The following SNTB1 variants were observed in gnomAD, a reference collection of about 807,000 sequenced individuals.
The protein encoded by SNTB1 is syntrophin beta 1, also known as beta-1-syntrophin.
In SNTB1, 36 loss-of-function variants were observed where a neutral mutation model predicts 48.9. The ratio of observed to expected loss-of-function variants is 0.74; its 90% CI spans 0.56 to 0.97. The LOEUF (loss-of-function observed/expected upper bound fraction) is 0.97, where lower values mean the gene tolerates loss of function less well. Among genes scored for constraint, SNTB1 ranks in the 50% least tolerant of loss-of-function variants. SNTB1 has a pLI of 0.00. For missense variants in SNTB1, 786 were observed against 703.4 expected (o/e 1.12, Z -1.33); for synonymous variants, 299 against 294.6 (o/e 1.01, Z -0.15).
intron 1 of SNTB1, among the ~76,000 whole-genome samples, chr8:120,752,006 G>C (rs1435300875): frequency 6.6e-6 from 1 of 152,148 alleles, no homozygotes; most frequent in Non-Finnish European, 1.5e-5. Flanking sequence ...CCAGTTGTTA[G>C]TGATCGTCTT....
intron 1 of SNTB1, among the ~76,000 whole-genome samples, chr8:120,719,844 C>T (rs1818627611): frequency 6.6e-6 from 1 of 152,208 alleles, no homozygotes; most frequent in Admixed American, 6.5e-5. Context: ...TCACATCAGT[C>T]CTCATGCCAT....
At chr8:120,659,698 A>G (rs13268742) in intron 2 of SNTB1, among the ~76,000 whole-genome samples, 129,189 of 152,262 alleles carry the variant, frequency 0.85, 55,016 homozygotes, top group Middle Eastern at 0.93. Flanking sequence ...CTTATGAAAC[A>G]TATTTAAGAA....
At chr8:120,549,529 G>A (rs1000108732) in intron 4 of SNTB1, among the ~76,000 whole-genome samples, 1 of 152,204 alleles carries the variant, frequency 6.6e-6, no homozygotes, top group African/African-American at 2.4e-5. Flanking sequence ...TGGACTTCTT[G>A]AGAAGTGGTA....
At chr8:120,547,609 A>AC (rs1563814099) in intron 5 of SNTB1, among the ~76,000 whole-genome samples, 2 of 150,818 alleles carry the variant, frequency 1.3e-5, no homozygotes, top group Non-Finnish European at 2.9e-5. Flanking sequence ...AAAAAAAAAA[A>AC]AAAACAACTT....
At chr8:120,632,381 G>T in intron 3 of SNTB1, 63 bp downstream of exon 3, 1 of 1,427,614 alleles carries the variant, frequency 7.0e-7, no homozygotes, top group Non-Finnish European at 9.7e-7. Flanking sequence ...TAGTTTTAGT[G>T]GTTATGAGCG....
intron 3 of SNTB1, among the ~76,000 whole-genome samples, chr8:120,622,941 C>T (rs1245473010): frequency 6.6e-6 from 1 of 152,234 alleles, no homozygotes; most frequent in African/African-American, 2.4e-5. Flanking sequence ...CACTCTTTAC[C>T]TCTATGGGAG....
chr8:120,572,734 CA>C (rs1815878207), intron 4 of SNTB1, among the ~76,000 whole-genome samples: 1 of 128,058 alleles, frequency 7.8e-6, no homozygotes, highest in Non-Finnish European at 1.8e-5. Context: ...ACTAAAAAAA[CA>C]AAACGAACAA....
chr8:120,811,575 C>T lies in SNTB1; in HGVS notation c.269G>A (p.Gly90Glu). 1 of 1,564,918 alleles carries T rather than the reference C, an allele frequency of 6.4e-7. No individual in the cohort carries two copies. Among genetic ancestry groups the T allele is most frequent in the Non-Finnish European group, 8.7e-7 (1 of 1,155,440 alleles). The change falls in exon 1 of 7, where the codon GGG (glycine) becomes GAG (glutamate). Residue 90 changes from glycine to glutamate, a missense_variant. Gly to Glu is a moderately conservative substitution (Grantham distance 98). Coordinates refer to ENST00000517992, the MANE Select transcript of SNTB1 (RefSeq NM_021021.4). The part of the protein sequence containing the change: ...GGAQPPDSPA[G>E]VRTAFTDLPE... The stretch of plus-strand genomic sequence containing the variant: ...CAGGTCGGTGAAAGCGGTGCGGACC[C>T]CGGCGGGCGAGTCCGGGGGCTGCGC...
At chr8:120,619,435 T>A (rs1480067198) in intron 3 of SNTB1, among the ~76,000 whole-genome samples, 1 of 152,166 alleles carries the variant, frequency 6.6e-6, no homozygotes, top group Admixed American at 6.5e-5. Context: ...TGAAGTAATA[T>A]GTTCTTTATT....
At chr8:120,800,479 A>G (rs1704143620) in intron 1 of SNTB1, among the ~76,000 whole-genome samples, 1 of 152,046 alleles carries the variant, frequency 6.6e-6, no homozygotes, top group Admixed American at 6.6e-5. Context: ...CAGTGAAACT[A>G]GGGAGTAAAT....
chr8:120,553,701 A>T (rs1815519383), intron 4 of SNTB1, among the ~76,000 whole-genome samples: 1 of 152,232 alleles, frequency 6.6e-6, no homozygotes, highest in African/African-American at 2.4e-5. Context: ...AAAAATTCTT[A>T]AAATTTTCTC....
At chr8:120,719,646 T>C (rs147955291) in intron 1 of SNTB1, among the ~76,000 whole-genome samples, 6 of 152,266 alleles carry the variant, frequency 3.9e-5, no homozygotes, top group African/African-American at 1.4e-4. Context: ...CTCGCTGTCT[T>C]AGTTTGGCTT....
At chr8:120,707,663 A>T (rs1818399997) in intron 1 of SNTB1, among the ~76,000 whole-genome samples, 1 of 152,198 alleles carries the variant, frequency 6.6e-6, no homozygotes, top group African/African-American at 2.4e-5. Context: ...AACAATAAAA[A>T]GGTAGGCAAA....
At chr8:120,697,413 C>T (rs1818230573) in intron 1 of SNTB1, among the ~76,000 whole-genome samples, 1 of 152,128 alleles carries the variant, frequency 6.6e-6, no homozygotes, top group South Asian at 2.1e-4. Flanking sequence ...TTTTCATGTG[C>T]TAAGAACAGT....
intron 6 of SNTB1, among the ~76,000 whole-genome samples, chr8:120,541,494 C>G (rs1163764085): frequency 6.6e-6 from 1 of 152,150 alleles, no homozygotes; most frequent in East Asian, 1.9e-4. Flanking sequence ...TTATATGAGA[C>G]GCTTGATACT....
At chr8:120,571,464 TTC>T (rs892789929) in intron 4 of SNTB1, 7 of 437,584 alleles carry the variant, frequency 1.6e-5, no homozygotes, top group Admixed American at 1.3e-4. Context: ...GATGTTTACA[TTC>T]TGACTATTGA....
At chr8:120,735,590 T>C (rs897026276) in intron 1 of SNTB1, among the ~76,000 whole-genome samples, 2 of 152,172 alleles carry the variant, frequency 1.3e-5, no homozygotes, top group Non-Finnish European at 2.9e-5. Context: ...CAAGGTTATA[T>C]GTACACAGAG....
At chr8:120,579,485 T>A (rs1371922038) in intron 3 of SNTB1, among the ~76,000 whole-genome samples, 1 of 152,198 alleles carries the variant, frequency 6.6e-6, no homozygotes, top group Non-Finnish European at 1.5e-5. Context: ...AAGACCAGCC[T>A]GGCCAACATG....
chr8:120,561,659 G>A (rs938225465), intron 4 of SNTB1, among the ~76,000 whole-genome samples: 2 of 152,108 alleles, frequency 1.3e-5, no homozygotes, highest in African/African-American at 4.8e-5. Context: ...AGAATACACA[G>A]TATAAAAAGA....
Sources: gnomAD v4.1 joint callset for allele counts (sites outside exome capture counted in the v4.1 genomes callset) on GRCh38, gnomAD v4.1.1 for gene constraint, MANE v1.5 for transcripts, NCBI Gene and HGNC (gene_info 2026-07-23, HGNC 2026-07-21) for gene names.